ARMH3: variants seen among roughly 807,000 people sequenced by gnomAD.
ARMH3 encodes the protein armadillo like helical domain containing 3, also known as armadillo-like helical domain-containing protein 3.
ARMH3 carries 60 observed loss-of-function variants against 99.1 expected under a neutral mutation model. The observed-to-expected ratio is 0.61, with a 90% CI of 0.49 to 0.75. The LOEUF is 0.75. Ranked by LOEUF, ARMH3 falls within the 30% of genes least tolerant of loss-of-function variation. ARMH3 has a pLI of 0.00. For synonymous variants in ARMH3, 285 were observed against 292.8 expected (o/e 0.97, Z 0.27); for missense variants, 679 against 843.1 (o/e 0.81, Z 2.41).
At chr10:102,006,842 C>T (rs2066502784) in intron 13 of ARMH3, among the ~76,000 whole-genome samples, 1 of 151,998 alleles carries the variant, frequency 6.6e-6, no homozygotes, top group Non-Finnish European at 1.5e-5. Flanking sequence ...ACTACAGATG[C>T]ATGCCACTGT....
chr10:102,019,769 TA>T (rs2066836492), intron 8 of ARMH3, among the ~76,000 whole-genome samples: 1 of 151,276 alleles, frequency 6.6e-6, no homozygotes, highest in Admixed American at 6.6e-5. Flanking sequence ...CTACTAAAAA[TA>T]CAAAAAAATT....
At chr10:101,922,637 T>A (rs1283617979) in intron 23 of ARMH3, among the ~76,000 whole-genome samples, 1 of 152,224 alleles carries the variant, frequency 6.6e-6, no homozygotes, top group Non-Finnish European at 1.5e-5. Context: ...ATAGAATTTA[T>A]CAAATAGTTC....
chr10:102,000,825 T>G (rs976637723), intron 15 of ARMH3, among the ~76,000 whole-genome samples: 9 of 147,678 alleles, frequency 6.1e-5, no homozygotes, highest in Non-Finnish European at 1.1e-4. Context: ...AGTTTTGTTG[T>G]TTTTTTTTTG....
chr10:101,945,075 A>G (rs187188456), intron 22 of ARMH3, among the ~76,000 whole-genome samples: 310 of 152,312 alleles, frequency 2.0e-3, no homozygotes, highest in Non-Finnish European at 3.5e-3. Context: ...CATGAAAAGT[A>G]ATTATCTGAG....
chr10:101,850,268 TTA>T (rs2066564558), intron 24 of ARMH3, among the ~76,000 whole-genome samples: 1 of 151,306 alleles, frequency 6.6e-6, no homozygotes, highest in South Asian at 2.1e-4. Context: ...TGGCTGTTTT[TTA>T]TATGTTTTAG....
chr10:101,952,348 T>C (rs1175715720), intron 22 of ARMH3, among the ~76,000 whole-genome samples: 1 of 152,000 alleles, frequency 6.6e-6, no homozygotes, highest in Non-Finnish European at 1.5e-5. Context: ...TTGAGGAACA[T>C]TCTTGAAAAC....
intron 24 of ARMH3, among the ~76,000 whole-genome samples, chr10:101,856,764 A>G (rs2066747145): frequency 6.6e-6 from 1 of 152,160 alleles, no homozygotes; most frequent in Non-Finnish European, 1.5e-5. Context: ...TTCTTCCACA[A>G]AGCAGGAAAG....
chr10:102,028,167 A>C (rs2067041660), intron 5 of ARMH3, among the ~76,000 whole-genome samples: 1 of 152,190 alleles, frequency 6.6e-6, no homozygotes, highest in South Asian at 2.1e-4. Flanking sequence ...CTATGGAAAA[A>C]TGGTTTGGTA....
intron 1 of ARMH3, among the ~76,000 whole-genome samples, chr10:102,044,096 T>C (rs959643388): frequency 1.0e-4 from 15 of 146,578 alleles, no homozygotes; most frequent in African/African-American, 2.0e-4. Context: ...TTTTTCTTTT[T>C]TTTTTTTTTT....
chr10:102,021,087 T>G (rs1173191439), intron 8 of ARMH3, among the ~76,000 whole-genome samples: 1 of 152,154 alleles, frequency 6.6e-6, no homozygotes, highest in Non-Finnish European at 1.5e-5. Context: ...GTGTGTGTGT[T>G]TGTTTTTGAG....
At chr10:101,943,891 C>T (rs965944864) in intron 22 of ARMH3, among the ~76,000 whole-genome samples, 1 of 151,160 alleles carries the variant, frequency 6.6e-6, no homozygotes, top group African/African-American at 2.4e-5. Context: ...GGTGAAACTC[C>T]GTCTCTACTA....
At chr10:101,966,285 GTTT>G (rs34196495) in intron 20 of ARMH3, among the ~76,000 whole-genome samples, 6 of 80,624 alleles carry the variant, frequency 7.4e-5, no homozygotes, top group Admixed American at 3.2e-4. Flanking sequence ...TTTGGTTTGG[GTTT>G]TTTTTTTTTT....
At chr10:101,979,410 A>G (rs72844684) in intron 19 of ARMH3, among the ~76,000 whole-genome samples, 16 of 152,360 alleles carry the variant, frequency 1.1e-4, no homozygotes, top group Non-Finnish European at 1.9e-4. Flanking sequence ...TAAAATGTCC[A>G]GAATAGGCAA....
At chr10:102,003,267 A>G (rs2066409607) in intron 14 of ARMH3, among the ~76,000 whole-genome samples, 1 of 151,872 alleles carries the variant, frequency 6.6e-6, no homozygotes, top group Non-Finnish European at 1.5e-5. Flanking sequence ...GGTTCAAGCA[A>G]TTCTCCTGCC....
chr10:101,879,228 A>G (rs934785427), intron 24 of ARMH3, among the ~76,000 whole-genome samples: 4 of 152,206 alleles, frequency 2.6e-5, no homozygotes, highest in African/African-American at 9.6e-5. Flanking sequence ...TTGTAGTCAG[A>G]CAGACCTAGG....
intron 1 of ARMH3, among the ~76,000 whole-genome samples, chr10:102,045,403 C>T (rs930163344): frequency 1.4e-4 from 21 of 152,060 alleles, no homozygotes; most frequent in African/African-American, 2.2e-4. Context: ...CTACTCTCAA[C>T]TGAGAGATTA....
chr10:102,013,804 A>ACCT (rs2066682126), intron 9 of ARMH3, among the ~76,000 whole-genome samples, 164 bp downstream of exon 9: 1 of 152,238 alleles, frequency 6.6e-6, no homozygotes, highest in Non-Finnish European at 1.5e-5. Context: ...GAAGACAGTA[A>ACCT]AACGGTAGCA....
At chr10:101,882,562 C>T (rs1481760616) in intron 24 of ARMH3, among the ~76,000 whole-genome samples, 2 of 152,184 alleles carry the variant, frequency 1.3e-5, no homozygotes, top group African/African-American at 4.8e-5. Context: ...TGCAGTGGCA[C>T]GATCTCGGCT....
intron 21 of ARMH3, among the ~76,000 whole-genome samples, chr10:101,956,946 CTT>C (rs1290927042): frequency 6.6e-6 from 1 of 151,882 alleles, no homozygotes; most frequent in African/African-American, 2.4e-5. Flanking sequence ...ATATTAAAAA[CTT>C]ATCACTTCCT....
Sources: gnomAD v4.1 joint callset for allele counts (sites outside exome capture counted in the v4.1 genomes callset) on GRCh38, gnomAD v4.1.1 for gene constraint, MANE v1.5 for transcripts, NCBI Gene and HGNC (gene_info 2026-07-23, HGNC 2026-07-21) for gene names.